The following COL8A1 variants were observed in gnomAD, a reference collection of about 807,000 sequenced individuals.
COL8A1 encodes the protein collagen type VIII alpha 1 chain.
A neutral mutation model predicts 42.7 loss-of-function variants in COL8A1; 21 were observed. The ratio of observed to expected loss-of-function variants is 0.49; its 90% CI spans 0.35 to 0.71. COL8A1 has a LOEUF of 0.71. COL8A1 is among the 30% of genes least tolerant of loss of function. The pLI is 0.01. For synonymous variants in COL8A1, 367 were observed against 369.1 expected, an observed-to-expected ratio of 0.99 and a Z score of 0.06; for missense variants, 788 against 962.4, an observed-to-expected ratio of 0.82 and a Z score of 2.40.
chr3:99,762,747 A>C (rs1393165892), intron 2 of COL8A1, among the ~76,000 whole-genome samples: 1 of 152,208 alleles, frequency 6.6e-6, no homozygotes, highest in Non-Finnish European at 1.5e-5. Context: ...GAAAGGGTTT[A>C]AGATCATCTG....
chr3:99,726,566 T>G (rs559316354), intron 1 of COL8A1, among the ~76,000 whole-genome samples: 85 of 152,230 alleles, frequency 5.6e-4, no homozygotes, highest in Admixed American at 9.2e-4. Context: ...AAGTCTTTAA[T>G]GCATCTTGAA....
At chr3:99,693,013 G>T (rs151032771) in intron 1 of COL8A1, among the ~76,000 whole-genome samples, 11 of 152,232 alleles carry the variant, frequency 7.2e-5, no homozygotes, top group African/African-American at 2.6e-4. Flanking sequence ...ATAAAAATTA[G>T]CCAGGCGTGG....
At chr3:99,765,909 T>C (rs1037087445) in intron 2 of COL8A1, among the ~76,000 whole-genome samples, 9 of 152,220 alleles carry the variant, frequency 5.9e-5, no homozygotes, top group African/African-American at 2.2e-4. Context: ...CAATGCAACA[T>C]AAAGTGGCTG....
At chr3:99,666,990 T>A (rs540509296) in intron 1 of COL8A1, among the ~76,000 whole-genome samples, 52 of 152,346 alleles carry the variant, frequency 3.4e-4, no homozygotes, top group African/African-American at 1.3e-3. Context: ...TTATTATATG[T>A]TATTATTTTA....
At chr3:99,706,208 G>T (rs1939677026) in intron 1 of COL8A1, among the ~76,000 whole-genome samples, 1 of 152,144 alleles carries the variant, frequency 6.6e-6, no homozygotes, top group Non-Finnish European at 1.5e-5. Context: ...GTTTGTGCCT[G>T]CCCTCCTCAG....
intron 2 of COL8A1, among the ~76,000 whole-genome samples, chr3:99,773,815 G>GTATATATATATATATATATATATATA (rs1553682062): frequency 8.4e-5 from 3 of 35,900 alleles, no homozygotes; most frequent in Non-Finnish European, 1.5e-4. Context: ...ATATATGTGT[G>GTATATATATATATATATATATATATA]TATATATATA....
chr3:99,700,035 C>T (rs1939490256), intron 1 of COL8A1, among the ~76,000 whole-genome samples: 1 of 152,112 alleles, frequency 6.6e-6, no homozygotes, highest in African/African-American at 2.4e-5. Flanking sequence ...CTAGGGATGT[C>T]ACGAAAAGGC....
At chr3:99,669,983 T>A (rs1938491999) in intron 1 of COL8A1, among the ~76,000 whole-genome samples, 1 of 152,018 alleles carries the variant, frequency 6.6e-6, no homozygotes, top group South Asian at 2.1e-4. Context: ...ACTACAAAAT[T>A]CTGTATAATT....
chr3:99,707,366 C>G (rs72932366), intron 1 of COL8A1, among the ~76,000 whole-genome samples: 1 of 152,274 alleles, frequency 6.6e-6, no homozygotes, highest in African/African-American at 2.4e-5. Context: ...CAGAGGGCAC[C>G]AGGTGTTGGT....
chr3:99,689,114 A>C (rs1330286603), intron 1 of COL8A1, among the ~76,000 whole-genome samples: 1 of 152,244 alleles, frequency 6.6e-6, no homozygotes, highest in Non-Finnish European at 1.5e-5. Context: ...CAGCGATATT[A>C]ATTAATGACT....
At chr3:99,736,480 C>A (rs1278326719) in intron 1 of COL8A1, among the ~76,000 whole-genome samples, 1 of 152,046 alleles carries the variant, frequency 6.6e-6, no homozygotes, top group African/African-American at 2.4e-5. Context: ...GCCTTCATTT[C>A]GTTATGTACC....
At chr3:99,662,698 A>T (rs1223714863) in intron 1 of COL8A1, among the ~76,000 whole-genome samples, 1 of 152,182 alleles carries the variant, frequency 6.6e-6, no homozygotes, top group Non-Finnish European at 1.5e-5. Flanking sequence ...CGGAAGGGTT[A>T]GTTTCTGTGG....
intron 1 of COL8A1, among the ~76,000 whole-genome samples, chr3:99,741,951 C>T (rs911737077): frequency 6.6e-6 from 1 of 152,160 alleles, no homozygotes; most frequent in Non-Finnish European, 1.5e-5. Context: ...GCAAACTCCC[C>T]TTCACCTTTT....
chr3:99,735,064 G>C (rs966586821), intron 1 of COL8A1, among the ~76,000 whole-genome samples: 5 of 150,760 alleles, frequency 3.3e-5, no homozygotes, highest in Admixed American at 2.6e-4. Context: ...AGATAATGGG[G>C]TTTTCTAGAT....
chr3:99,700,470 C>A (rs541786079), intron 1 of COL8A1, among the ~76,000 whole-genome samples: 1 of 152,170 alleles, frequency 6.6e-6, no homozygotes, highest in African/African-American at 2.4e-5. Flanking sequence ...CCACTTGGTA[C>A]GTGAAGTCAC....
At position 99,794,451 on chromosome 3, in the gene COL8A1, A is replaced by G; in HGVS notation, c.550A>G (p.Lys184Glu). 6.2e-7 allele frequency: 1 copy of G among 1,613,982 alleles called. No individual in the cohort carries two copies. Among genetic ancestry groups the G allele is most frequent in the South Asian group, 1.1e-5 (1 of 91,074 alleles). ...TGGGGCAAAAGGAGAAATTGGACAG[A>G]AAGGGGAAATTGGGCCTATGGGGAT... The part of the protein sequence containing the change: ...MPGAKGEIGQ[K>E]GEIGPMGIPG... The change falls in exon 4 of 4, where the codon AAA becomes GAA. Residue 184 changes from lysine to glutamate, a missense_variant. Around this residue, in one of 4 missense-constraint regions of COL8A1, gnomAD observed 421 missense variants for 553.1 expected, o/e 0.76. Coordinates refer to ENST00000652472, the MANE Select transcript of COL8A1 (RefSeq NM_020351.4). The surrounding 1 kb of genome is among the most constrained non-coding windows in gnomAD (Gnocchi z 4.3).
chr3:99,767,397 T>G (rs1941484405), intron 2 of COL8A1, among the ~76,000 whole-genome samples: 1 of 152,240 alleles, frequency 6.6e-6, no homozygotes, highest in Non-Finnish European at 1.5e-5. Context: ...TCTACAACAA[T>G]GTTTTTAAAA....
rs1243797174 is a variant in COL8A1 at position 99,796,402 on chromosome 3, T to C, written c.*266T>C. 6.5e-6 allele frequency: 2 copies of C among 305,484 alleles called. No homozygotes were observed. The highest frequency in any genetic ancestry group is 6.1e-6 in the Non-Finnish European group (1 of 164,958). 18.9% of individuals were successfully genotyped at this position (305,484 alleles called of 1,614,324 possible). On this transcript the variant is annotated 3_prime_UTR_variant, in exon 4 of 4. Transcript: ENST00000652472. The stretch of plus-strand genomic sequence containing the variant: ...TTGTACCCACTGGAATCATATTAGC[T>C]GTTTTATGTTATATGCTTCCACAGT...
chr3:99,794,251 G>C lies in COL8A1; in HGVS notation c.350G>C (p.Arg117Pro). Reference protein sequence around the residue: ...KGKEIPLASLRGEQGPRGEPG... With the variant: ...KGKEIPLASLPGEQGPRGEPG... Reference sequence around the variant, plus strand: ...GTAGAAATACCATTAGCCAGTTTACGAGGGGAACAAGGTCCCCGTGGAGAG... The same window carrying C: ...GTAGAAATACCATTAGCCAGTTTACCAGGGGAACAAGGTCCCCGTGGAGAG... The change falls in exon 4 of 4, where the codon CGA (arginine) becomes CCA (proline). Residue 117 changes from arginine to proline, a missense_variant. By Grantham distance (103) the Arg-to-Pro change is moderately radical. Transcript: ENST00000652472. This position sits in a 1 kb window ranked among gnomAD's most constrained non-coding sequence, Gnocchi z 4.3. The C allele has an allele frequency of 1.3e-6, 2 of 1,590,454 alleles. No individual in the cohort carries two copies. Among genetic ancestry groups the C allele is most frequent in the African/African-American group, 2.7e-5 (2 of 73,638 alleles).
Sources: allele counts gnomAD v4.1 joint callset (sites outside exome capture counted in the v4.1 genomes callset), GRCh38; gene constraint gnomAD v4.1.1; regional missense constraint gnomAD v4.1.1; non-coding constraint Gnocchi (gnomAD v3.1); transcripts MANE v1.5; gene names NCBI Gene and HGNC (gene_info 2026-07-23, HGNC 2026-07-21).